Variants in PLD1 observed in about 807,000 individuals in gnomAD.
PLD1 encodes the protein choline phosphatase 1.
Under a neutral mutation model 137.1 loss-of-function variants are expected in PLD1, and 112 were observed. The ratio of observed to expected loss-of-function variants is 0.82; its 90% CI spans 0.70 to 0.96. The LOEUF (loss-of-function observed/expected upper bound fraction) is 0.96. PLD1 is among the 40% of genes least tolerant of loss of function. The probability of loss-of-function intolerance (pLI) is 0.00; values close to 1 mark genes in which losing one functional copy is unlikely to be tolerated. For synonymous variants in PLD1, 431 were observed against 454.7 expected (o/e 0.95, Z 0.66); for missense variants, 1,321 against 1,342.0 (o/e 0.98, Z 0.24).
chr3:171,793,569 C>T (rs1723304671), intron 1 of PLD1: 1 of 152,122 alleles, frequency 6.6e-6, no homozygotes, highest in Admixed American at 6.5e-5. Context: ...TATATCGCTA[C>T]TTTTGCACTT....
Position 171,709,610 on chromosome 3 carries a change from A to G in PLD1, c.1011T>C (p.Asp337=), listed in dbSNP as rs1560238605. The part of the protein sequence containing the change: ...IQKHGTNFLK[D]HRFGSYAAIQ... The stretch of plus-strand genomic sequence containing the variant: ...TAGCAGCATATGACCCAAATCGATG[A>G]TCTTTGAGAAAGTTGGTGCCATGTT... The change falls in exon 10 of 27, where the codon GAT becomes GAC. Residue 337 remains aspartate, a synonymous_variant. Coordinates refer to ENST00000351298, the MANE Select transcript of PLD1 (RefSeq NM_002662.5). 1 of 1,614,072 alleles carries G rather than the reference A, an allele frequency of 6.2e-7. No homozygotes were observed. The highest frequency in any genetic ancestry group is 8.5e-7 in the Non-Finnish European group (1 of 1,179,928).
chr3:171,650,397 G>T (rs1736626005), intron 21 of PLD1, among the ~76,000 whole-genome samples: 1 of 152,168 alleles, frequency 6.6e-6, no homozygotes, highest in African/African-American at 2.4e-5. Flanking sequence ...TAGAGAGGCA[G>T]GCCTGAAAGG....
intron 1 of PLD1, among the ~76,000 whole-genome samples, chr3:171,747,470 C>CTTT (rs200205947): frequency 0.074 from 10,561 of 143,062 alleles, 508 homozygotes; most frequent in South Asian, 0.12. Context: ...CTCTTCCTCT[C>CTTT]TTTTTTTTTT....
chr3:171,803,410 C>T (rs1723725986), intron 1 of PLD1, among the ~76,000 whole-genome samples: 1 of 152,178 alleles, frequency 6.6e-6, no homozygotes, highest in Non-Finnish European at 1.5e-5. Flanking sequence ...CAGTGGTGTG[C>T]TGAGAAATGC....
At chr3:171,686,580 G>T in intron 16 of PLD1, 105 bp downstream of exon 16, 1 of 668,068 alleles carries the variant, frequency 1.5e-6, no homozygotes, top group Non-Finnish European at 2.7e-6. Flanking sequence ...CATAAAAATT[G>T]CAAACAGAAA....
Position 171,676,695 on chromosome 3 carries a change from T to A in PLD1, c.2115+20A>T. On this transcript the variant is annotated intron_variant, in intron 18 of 26. Coordinates refer to ENST00000351298, the MANE Select transcript of PLD1 (RefSeq NM_002662.5). ...TGCCTCTCTTCATGTGGATAAATCATGATAGCAACATCCAAGTACTTTTGT... is the reference window on the plus strand; with the variant it reads ...TGCCTCTCTTCATGTGGATAAATCAAGATAGCAACATCCAAGTACTTTTGT... The A allele has an allele frequency of 6.3e-7, 1 of 1,576,474 alleles. No individual in the cohort carries two copies. The highest frequency in any genetic ancestry group is 8.7e-7 in the Non-Finnish European group (1 of 1,145,762).
chr3:171,742,508 G>A (rs72622534), intron 1 of PLD1, among the ~76,000 whole-genome samples: 1 of 151,774 alleles, frequency 6.6e-6, no homozygotes, highest in East Asian at 1.9e-4. Flanking sequence ...TTTTCTAGCT[G>A]CTATTGTACT....
intron 22 of PLD1, among the ~76,000 whole-genome samples, chr3:171,644,658 C>A (rs955951764): frequency 1.3e-5 from 2 of 152,146 alleles, no homozygotes; most frequent in Non-Finnish European, 2.9e-5. Context: ...TAGAAATAGA[C>A]AGTAACTATA....
At chr3:171,632,025 A>C (rs980685316) in intron 23 of PLD1, among the ~76,000 whole-genome samples, 1 of 152,162 alleles carries the variant, frequency 6.6e-6, no homozygotes, top group African/African-American at 2.4e-5. Context: ...TTATGAAGGG[A>C]AAAATAGTGG....
At chr3:171,627,080 C>G (rs1229604230) in intron 23 of PLD1, among the ~76,000 whole-genome samples, 1 of 152,100 alleles carries the variant, frequency 6.6e-6, no homozygotes, top group African/African-American at 2.4e-5. Context: ...GATAAAGAGT[C>G]AAGACCCATC....
intron 21 of PLD1, among the ~76,000 whole-genome samples, chr3:171,648,607 T>C (rs1265808906): frequency 6.6e-6 from 1 of 151,538 alleles, no homozygotes; most frequent in Non-Finnish European, 1.5e-5. Context: ...TAGGCTGGAG[T>C]GCCGTGGTGC....
intron 19 of PLD1, among the ~76,000 whole-genome samples, chr3:171,663,146 T>G (rs1336516862): frequency 6.6e-6 from 1 of 152,232 alleles, no homozygotes; most frequent in Non-Finnish European, 1.5e-5. Flanking sequence ...ATGCCTCTTC[T>G]CCTTAGCGTC....
intron 1 of PLD1, among the ~76,000 whole-genome samples, chr3:171,764,689 G>A (rs1721682958): frequency 6.6e-6 from 1 of 151,732 alleles, no homozygotes; most frequent in African/African-American, 2.4e-5. Flanking sequence ...TTGGGAAGAT[G>A]GGGCCTGCAG....
chr3:171,701,831 T>C (rs1255841190), intron 11 of PLD1, among the ~76,000 whole-genome samples: 2 of 152,212 alleles, frequency 1.3e-5, no homozygotes, highest in African/African-American at 4.8e-5. Context: ...CGTTACTGCA[T>C]GTACCACTAA....
intron 25 of PLD1, chr3:171,611,541 C>A (rs1351199014): frequency 3.3e-5 from 17 of 514,922 alleles, no homozygotes. Context: ...AGCTTCCTAG[C>A]CCAGTATTCT....
chr3:171,707,269 C>T (rs1035127497), intron 11 of PLD1, among the ~76,000 whole-genome samples: 2 of 152,098 alleles, frequency 1.3e-5, no homozygotes, highest in African/African-American at 4.8e-5. Flanking sequence ...ACAAGTTTAC[C>T]TATTTAACAA....
rs550159065 is a variant in PLD1 at position 171,603,169 on chromosome 3, A to G, written c.3134T>C (p.Val1045Ala). 1 of 1,614,148 alleles carries G rather than the reference A, an allele frequency of 6.2e-7. No homozygotes were observed. The highest frequency in any genetic ancestry group is 1.7e-5 in the Admixed American group (1 of 60,012). ...EELKKIRGFL[V>A]QFPFYFLSEE... is the part of the protein sequence containing the mutation. Reference sequence around the variant, plus strand: ...AGACAAGAAATAAAAGGGGAATTGCACCAAAAATCCACGGATCTTCTTCAG... The same window carrying G: ...AGACAAGAAATAAAAGGGGAATTGCGCCAAAAATCCACGGATCTTCTTCAG... Residue 1045 changes from valine to alanine, a missense_variant, in exon 27 of 27, where the codon GTG (valine) becomes GCG (alanine). Val to Ala is a moderately conservative substitution (Grantham distance 64). Transcript: ENST00000351298.
chr3:171,620,740 CTCTATATATATATA>C (rs1462110624), intron 23 of PLD1, among the ~76,000 whole-genome samples: 1 of 80,508 alleles, frequency 1.2e-5, no homozygotes, highest in African/African-American at 5.1e-5. Context: ...CTCTCTCTCT[CTCTATATATATATA>C]TATATATATA....
chr3:171,708,787 C>T lies in PLD1; in HGVS notation c.1113G>A (p.Glu371=). 6.2e-7 allele frequency: 1 copy of T among 1,604,454 alleles called. No individual in the cohort carries two copies. Among genetic ancestry groups the T allele is most frequent in the South Asian group, 1.1e-5 (1 of 90,896 alleles). The change falls in exon 11 of 27, where the codon GAG becomes GAA. Residue 371 remains glutamate (E), a synonymous_variant. Transcript: ENST00000351298. ...CTGTGATAAAAATCTCTTCATTTGC[C>T]TCTTCCATTGCATTTGCCACATCTT... ...YFEDVANAME[E]ANEEIFITDW...
Sources: gnomAD v4.1 joint callset for allele counts (sites outside exome capture counted in the v4.1 genomes callset) on GRCh38, gnomAD v4.1.1 for gene constraint, MANE v1.5 for transcripts, NCBI Gene and HGNC (gene_info 2026-07-23, HGNC 2026-07-21) for gene names.